MYO9B: variants seen among roughly 807,000 people sequenced by gnomAD.
MYO9B encodes unconventional myosin-IXb.
In MYO9B, 71 loss-of-function variants were observed where a neutral mutation model predicts 229.5. That is an observed-to-expected ratio of 0.31 (90% CI 0.26 to 0.38). The LOEUF (loss-of-function observed/expected upper bound fraction) is 0.38, where lower values mean the gene tolerates loss of function less well. Among genes scored for constraint, MYO9B ranks in the 10% least tolerant of loss-of-function variants. The probability of loss-of-function intolerance (pLI) is 1.00; values close to 1 mark genes in which losing one functional copy is unlikely to be tolerated. For synonymous variants in MYO9B, 1,185 were observed against 1,235.8 expected (o/e 0.96, Z 0.86); for missense variants, 2,255 against 2,920.5 (o/e 0.77, Z 5.25).
At chr19:17,134,991 T>TG (rs2072251678) in intron 2 of MYO9B, among the ~76,000 whole-genome samples, 1 of 152,078 alleles carries the variant, frequency 6.6e-6, no homozygotes, top group South Asian at 2.1e-4. Flanking sequence ...CTCGAACTCC[T>TG]GACCTCAAGT....
At position 17,101,742 on chromosome 19, in the gene MYO9B, T is replaced by A. The variant is rs751601613; in HGVS notation, c.25T>A (p.Ser9Thr). 3.5e-5 allele frequency: 55 copies of A among 1,587,326 alleles called. No individual in the cohort carries two copies. The highest frequency in any genetic ancestry group is 4.5e-5 in the Non-Finnish European group (53 of 1,172,810). MSVKEAGS[S>T]GRREQAAYHL... ...GATGAGTGTGAAAGAGGCAGGCAGCTCGGGCCGCCGGGAGCAGGCGGCCTA... is the reference window on the plus strand; with the variant it reads ...GATGAGTGTGAAAGAGGCAGGCAGCACGGGCCGCCGGGAGCAGGCGGCCTA... The change falls in exon 2 of 40, where the codon TCG becomes ACG. Residue 9 changes from serine (S) to threonine (T), a missense_variant. By Grantham distance (58) the Ser-to-Thr change is moderately conservative. Around this residue, in one of 7 missense-constraint regions of MYO9B, gnomAD observed 386 missense variants for 515.2 expected, o/e 0.75. Coordinates refer to ENST00000682292, the MANE Select transcript of MYO9B (RefSeq NM_004145.4). The surrounding 1 kb of genome is among the most constrained non-coding windows in gnomAD (Gnocchi z 4.7).
At chr19:17,121,001 G>C (rs1164651295) in intron 2 of MYO9B, among the ~76,000 whole-genome samples, 1 of 152,146 alleles carries the variant, frequency 6.6e-6, no homozygotes, top group Non-Finnish European at 1.5e-5. Flanking sequence ...GGAGTGCAAT[G>C]GTGTGATCTC....
chr19:17,099,183 G>A (rs2057720547), intron 1 of MYO9B: 1 of 151,460 alleles, frequency 6.6e-6, no homozygotes, highest in East Asian at 2.0e-4. Flanking sequence ...GCTGAGGCAG[G>A]AGAATCACTT....
At chr19:17,139,653 A>T (rs987956154) in intron 2 of MYO9B, among the ~76,000 whole-genome samples, 1 of 150,304 alleles carries the variant, frequency 6.7e-6, no homozygotes, top group Non-Finnish European at 1.5e-5. Context: ...CGGGAGGATC[A>T]CCTTGAGCTC....
chr19:17,109,672 G>A (rs1290972863), intron 2 of MYO9B, among the ~76,000 whole-genome samples: 3 of 152,056 alleles, frequency 2.0e-5, no homozygotes, highest in African/African-American at 7.2e-5. Flanking sequence ...TCTGTCCCAG[G>A]CCTCTCTCCC....
chr19:17,195,607 G>A lies in MYO9B; in HGVS notation c.4046+134G>A, dbSNP rs951090208. ...GTGTGCGGGAGGCCTGAGGGAGGAG[G>A]ACGAGCAGGACATGCTAAAGACCAA... On this transcript the variant is annotated intron_variant, in intron 22 of 39. Transcript: ENST00000682292. The surrounding 1 kb of genome is among the most constrained non-coding windows in gnomAD (Gnocchi z 4.5). 10 of 1,156,812 alleles carry A rather than the reference G, an allele frequency of 8.6e-6. No homozygotes were observed. Among genetic ancestry groups the A allele is most frequent in the Admixed American group, 2.3e-5 (1 of 42,996 alleles). The allele number at this position is 1,156,812 out of a possible 1,614,324, so 71.7% of individuals were successfully genotyped here.
At chr19:17,175,824 CTTTTTT>C (rs534528766) in intron 14 of MYO9B, 83 bp downstream of exon 14, 307 of 497,350 alleles carry the variant, frequency 6.2e-4, no homozygotes, top group East Asian at 1.8e-3. Flanking sequence ...ATGCTACATT[CTTTTTT>C]TTTTTTTTTT....
At chr19:17,209,858 G>A (rs1187701501) in intron 36 of MYO9B, 149 bp downstream of exon 36, 2 of 1,120,338 alleles carry the variant, frequency 1.8e-6, no homozygotes, top group African/African-American at 1.6e-5. Flanking sequence ...CTCCCATGCC[G>A]AGGATGGGAC....
rs377067496 is a variant in MYO9B at position 17,175,679 on chromosome 19, T to G, written c.2157T>G (p.Gly719=). The G allele has an allele frequency of 1.3e-6, 2 of 1,574,848 alleles. No homozygotes were observed. Among genetic ancestry groups the G allele is most frequent in the African/African-American group, 2.7e-5 (2 of 73,814 alleles). ...AEKAAGMSSP[G]AQSHPEELPR... is the part of the protein sequence containing the mutation. ...CTCCGGCAGGTATGAGCAGCCCTGG[T>G]GCCCAAAGTCACCCAGAAGAGCTGC... Residue 719 remains glycine (G), a synonymous_variant, in exon 14 of 40, where the codon GGT becomes GGG. Transcript: ENST00000682292.
At chr19:17,087,200 G>A (rs2057591342) in intron 1 of MYO9B, among the ~76,000 whole-genome samples, 1 of 152,204 alleles carries the variant, frequency 6.6e-6, no homozygotes, top group East Asian at 1.9e-4. Flanking sequence ...AGGGCCTGGA[G>A]GGGTGGGCGT....
At chr19:17,183,948 C>T in intron 16 of MYO9B, 80 bp downstream of exon 16, 1 of 1,346,712 alleles carries the variant, frequency 7.4e-7, no homozygotes, top group Non-Finnish European at 1.0e-6. Context: ...TTCACTTCTG[C>T]AACTTCATTT....
At chr19:17,181,878 C>T (rs1395008882) in intron 15 of MYO9B, among the ~76,000 whole-genome samples, 5 of 151,760 alleles carry the variant, frequency 3.3e-5, no homozygotes, top group African/African-American at 1.2e-4. Context: ...CGGGTTCAAG[C>T]GATTCTCCCA....
intron 2 of MYO9B, among the ~76,000 whole-genome samples, chr19:17,118,954 A>G (rs2057935007): frequency 6.6e-6 from 1 of 152,172 alleles, no homozygotes; most frequent in African/African-American, 2.4e-5. Context: ...CTGAGGGGAC[A>G]TCTCCAGTCC....
In MYO9B at chr19:17,102,338, G is replaced by A. The variant is rs762215105; in HGVS notation, c.621G>A (p.Gln207=). Residue 207 remains glutamine, a synonymous_variant, in exon 2 of 40, where the codon CAG becomes CAA. Coordinates refer to ENST00000682292, the MANE Select transcript of MYO9B (RefSeq NM_004145.4). ...ACGTGAAGATGTATGAGAACCAGCA[G>A]CTGGGCAAGCTGGAGCCACACGTCT... The part of the protein sequence containing the change: ...PKYVKMYENQ[Q]LGKLEPHVFA... 1 of 1,614,072 alleles carries A rather than the reference G, an allele frequency of 6.2e-7. No individual in the cohort carries two copies. The highest frequency in any genetic ancestry group is 1.1e-5 in the South Asian group (1 of 91,092).
chr19:17,148,924 C>T (rs1321202247), intron 3 of MYO9B, among the ~76,000 whole-genome samples: 1 of 152,072 alleles, frequency 6.6e-6, no homozygotes, highest in African/African-American at 2.4e-5. Context: ...TAGGGCCCTC[C>T]TGGATTATTG....
intron 20 of MYO9B, among the ~76,000 whole-genome samples, chr19:17,192,002 T>C (rs1545621): frequency 0.53 from 80,600 of 151,282 alleles, 23,407 homozygotes; most frequent in African/African-American, 0.74. Context: ...CTTGCTCTGT[T>C]GCCCAGACAG....
At chr19:17,146,233 G>C (rs1026357242) in intron 3 of MYO9B, among the ~76,000 whole-genome samples, 3 of 151,476 alleles carry the variant, frequency 2.0e-5, no homozygotes, top group Admixed American at 1.3e-4. Context: ...ATTCATGGGG[G>C]AGTAGATTCA....
chr19:17,127,735 G>T (rs991259223), intron 2 of MYO9B, among the ~76,000 whole-genome samples: 2 of 152,226 alleles, frequency 1.3e-5, no homozygotes, highest in African/African-American at 4.8e-5. Context: ...CTGGTACCAG[G>T]AGGGTGTCCT....
At chr19:17,079,942 C>CAGAG (rs751709502) in intron 1 of MYO9B, among the ~76,000 whole-genome samples, 1 of 152,320 alleles carries the variant, frequency 6.6e-6, no homozygotes, top group Non-Finnish European at 1.5e-5. Flanking sequence ...CGCCGCAGCC[C>CAGAG]AGAGCCCCGT....
Sources: gnomAD v4.1 joint callset for allele counts (sites outside exome capture counted in the v4.1 genomes callset) on GRCh38, gnomAD v4.1.1 for gene constraint, gnomAD v4.1.1 regional missense constraint, Gnocchi (gnomAD v3.1) non-coding constraint, MANE v1.5 for transcripts, NCBI Gene and HGNC (gene_info 2026-07-23, HGNC 2026-07-21) for gene names.